The following MYO9A variants were observed in gnomAD, a reference collection of about 807,000 sequenced individuals.
MYO9A encodes the protein myosin IXA.
Under a neutral mutation model 293.3 loss-of-function variants are expected in MYO9A, and 103 were observed. The observed-to-expected ratio is 0.35, with a 90% confidence interval of 0.30 to 0.41. The LOEUF (loss-of-function observed/expected upper bound fraction) is 0.41, where lower values mean the gene tolerates loss of function less well. Among genes scored for constraint, MYO9A ranks in the 10% least tolerant of loss-of-function variants. The pLI is 1.00. For synonymous variants in MYO9A, 1,001 were observed against 1,035.7 expected (o/e 0.97, Z 0.64); for missense variants, 2,685 against 3,033.0 (o/e 0.89, Z 2.69).
intron 24 of MYO9A, 111 bp downstream of exon 24, chr15:71,899,576 C>T (rs985235331): frequency 1.8e-4 from 171 of 969,378 alleles, no homozygotes; most frequent in Non-Finnish European, 2.5e-4. Context: ...GTGGAAAAGA[C>T]AAATTGTATA....
intron 11 of MYO9A, among the ~76,000 whole-genome samples, chr15:71,986,228 T>G (rs2076404311): frequency 6.6e-6 from 1 of 152,232 alleles, no homozygotes; most frequent in African/African-American, 2.4e-5. Context: ...TAAAGTATAC[T>G]GGAGAATGTG....
At chr15:72,107,572 T>A (rs929698596) in intron 1 of MYO9A, among the ~76,000 whole-genome samples, 4 of 151,494 alleles carry the variant, frequency 2.6e-5, no homozygotes, top group Admixed American at 6.6e-5. Context: ...ATATTTTTTT[T>A]AATTAAATAA....
intron 39 of MYO9A, among the ~76,000 whole-genome samples, chr15:71,843,302 A>T (rs1299164769): frequency 1.3e-5 from 2 of 152,060 alleles, no homozygotes; most frequent in African/African-American, 4.8e-5. Context: ...GGTGGCAGGC[A>T]CCTATAATCT....
chr15:72,116,984 A>G (rs1395421124), intron 1 of MYO9A: 1 of 152,208 alleles, frequency 6.6e-6, no homozygotes, highest in East Asian at 1.9e-4. Flanking sequence ...CATTAGGCTA[A>G]GCAAATATTC....
chr15:71,915,244 T>C lies in MYO9A; in HGVS notation c.2685+1126A>G, dbSNP rs202059805. On this transcript the variant is annotated intron_variant, in intron 19 of 41. Coordinates refer to ENST00000356056, the MANE Select transcript of MYO9A (RefSeq NM_006901.4). ...CTGGATTGTGAGGACAGAAGCAAGG[T>C]AAAGACAGACTTCCCCAAGCACTAT... 1.4e-3 allele frequency among the ~76,000 whole-genome samples: 209 copies of C among 152,164 alleles called. 2 individuals are homozygous for C. The East Asian group carries it at 0.039, about 29-fold the overall frequency.
chr15:72,045,682 A>G, intron 2 of MYO9A, 42 bp downstream of exon 2: 1 of 1,522,492 alleles, frequency 6.6e-7, no homozygotes, highest in African/African-American at 1.4e-5. Context: ...CAAAGGATAA[A>G]AATCAAAATT....
intron 35 of MYO9A, 77 bp from the exon 36 acceptor site, chr15:71,852,337 ATCAT>A (rs2055684794): frequency 7.5e-7 from 1 of 1,330,934 alleles, no homozygotes; most frequent in Non-Finnish European, 1.0e-6. Context: ...AGAAACTATC[ATCAT>A]TAAAGGAAGG....
At chr15:72,111,486 TAA>T (rs200759527) in intron 1 of MYO9A, among the ~76,000 whole-genome samples, 4 of 142,504 alleles carry the variant, frequency 2.8e-5, no homozygotes, top group African/African-American at 1.0e-4. Flanking sequence ...GAGATTGTCT[TAA>T]AAAAAAAAAA....
rs145437091 is a variant in MYO9A at position 71,994,582 on chromosome 15, C to T, written c.1474G>A (p.Val492Met). The stretch of plus-strand genomic sequence containing the variant: ...TTAGCCATGGAGTTCCTCACTGTCA[C>T]AGCCTGAAAAACAAAAGCATTACAA... ...LILPYKLAEA[V>M]TVRNSMAKSL... The change falls in exon 10 of 42, where the codon GTG (valine) becomes ATG (methionine). Residue 492 changes from valine to methionine, a missense_variant. Physicochemically the swap from Val to Met is conservative, Grantham distance 21. Coordinates refer to ENST00000356056, the MANE Select transcript of MYO9A (RefSeq NM_006901.4). The T allele has an allele frequency of 4.6e-4, 729 of 1,583,674 alleles. No homozygotes were observed. Among genetic ancestry groups the T allele is most frequent in the Non-Finnish European group, 6.0e-4 (700 of 1,167,408 alleles).
At chr15:72,034,943 G>C (rs1393478246) in intron 2 of MYO9A, among the ~76,000 whole-genome samples, 1 of 152,190 alleles carries the variant, frequency 6.6e-6, no homozygotes, top group Non-Finnish European at 1.5e-5. Flanking sequence ...GCCATTTTGA[G>C]AGGTAGGCTT....
In MYO9A at chr15:71,899,905, G is replaced by A. The variant is rs1227140755; in HGVS notation, c.3252C>T (p.Ser1084=). Residue 1084 remains serine, a synonymous_variant, in exon 24 of 42, where the codon TCC becomes TCT. Transcript: ENST00000356056. ...GCTGCCTCTCTAAGTGAGCACGCCA[G>A]GAAGCTTGGAGAAGAGCAGCTGCAC... ...MASAAALLQA[S]WRAHLERQRY... 1.9e-6 allele frequency: 3 copies of A among 1,613,968 alleles called. No individual in the cohort carries two copies. The African/African-American group carries it at 4.0e-5, about 22-fold the overall frequency.
chr15:71,888,962 A>T (rs2057099042), intron 26 of MYO9A, among the ~76,000 whole-genome samples: 1 of 152,210 alleles, frequency 6.6e-6, no homozygotes, highest in Admixed American at 6.5e-5. Context: ...TGTTTAAAAC[A>T]ATGGACAGAT....
At chr15:71,989,942 C>CT (rs1300886650) in intron 11 of MYO9A, among the ~76,000 whole-genome samples, 1 of 151,844 alleles carries the variant, frequency 6.6e-6, no homozygotes, top group Non-Finnish European at 1.5e-5. Flanking sequence ...GGTGGGGGGA[C>CT]TCCTTAAGCC....
intron 13 of MYO9A, among the ~76,000 whole-genome samples, chr15:71,960,835 T>C (rs1359951563): frequency 6.6e-6 from 1 of 152,080 alleles, no homozygotes; most frequent in African/African-American, 2.4e-5. Context: ...AAGCCAGAGA[T>C]GAGAAAACTG....
chr15:71,935,098 T>C (rs2058599411), intron 17 of MYO9A: 2 of 374,998 alleles, frequency 5.3e-6, no homozygotes, highest in Admixed American at 8.0e-5. Context: ...ATAACAAATA[T>C]ACTCAGTCAT....
At chr15:72,015,077 G>A (rs554359491) in intron 6 of MYO9A, among the ~76,000 whole-genome samples, 37 of 147,640 alleles carry the variant, frequency 2.5e-4, no homozygotes, top group African/African-American at 9.0e-4. Flanking sequence ...TCGAACTCCT[G>A]ACCTCAAGTG....
At chr15:71,854,282 A>G in intron 35 of MYO9A, 95 bp downstream of exon 35, 1 of 1,007,032 alleles carries the variant, frequency 9.9e-7, no homozygotes, top group Non-Finnish European at 1.4e-6. Flanking sequence ...TCTGGCTGCT[A>G]AGTAAAGGAT....
chr15:72,105,420 T>C (rs754242412), intron 1 of MYO9A, among the ~76,000 whole-genome samples: 4 of 151,804 alleles, frequency 2.6e-5, no homozygotes, highest in Non-Finnish European at 4.4e-5. Context: ...AGAGACAGGG[T>C]CTCATTATGT....
chr15:71,899,799 T>C lies in MYO9A; in HGVS notation c.3358A>G (p.Ile1120Val), dbSNP rs908977574. Residue 1120 changes from isoleucine to valine, a missense_variant, in exon 24 of 42, where the codon ATT (isoleucine) becomes GTT (valine). By Grantham distance (29) the Ile-to-Val change is conservative. Transcript: ENST00000356056. ...GCTTTCCATCTTGCTTGTATGCAAATAGCAGCCATGTGCCTGCGCCTATAG... is the reference window on the plus strand; with the variant it reads ...GCTTTCCATCTTGCTTGTATGCAAACAGCAGCCATGTGCCTGCGCCTATAG... ...DYYRRRHMAA[I>V]CIQARWKAYR... 1.1e-5 allele frequency: 17 copies of C among 1,614,174 alleles called. No individual in the cohort carries two copies. Among genetic ancestry groups the C allele is most frequent in the South Asian group, 6.6e-5 (6 of 91,086 alleles).
Sources: gnomAD v4.1 joint callset for allele counts (sites outside exome capture counted in the v4.1 genomes callset) on GRCh38, gnomAD v4.1.1 for gene constraint, MANE v1.5 for transcripts, NCBI Gene and HGNC (gene_info 2026-07-23, HGNC 2026-07-21) for gene names.